CEP350: variants seen among roughly 807,000 people sequenced by gnomAD.
CEP350 encodes the protein centrosomal protein 350.
Under a neutral mutation model 331.8 loss-of-function variants are expected in CEP350, and 126 were observed. The observed-to-expected ratio is 0.38, with a 90% CI of 0.33 to 0.44. The LOEUF (loss-of-function observed/expected upper bound fraction) is 0.44, where lower values mean the gene tolerates loss of function less well. Ranked by LOEUF, CEP350 falls within the 20% of genes least tolerant of loss-of-function variation. The pLI, the probability that CEP350 is intolerant of heterozygous loss-of-function variation, is 1.00. For synonymous variants in CEP350, 1,200 were observed against 1,259.5 expected, an observed-to-expected ratio of 0.95 and a Z score of 1.00; for missense variants, 3,406 against 3,634.6, an observed-to-expected ratio of 0.94 and a Z score of 1.62.
Position 180,087,629 on chromosome 1 carries a change from G to T in CEP350, c.6337G>T (p.Glu2113Ter). 1 of 1,554,420 alleles carries T rather than the reference G, an allele frequency of 6.4e-7. No individual in the cohort carries two copies. The highest frequency in any genetic ancestry group is 1.2e-5 in the South Asian group (1 of 83,938). Residue 2113 changes from glutamate to a stop codon, truncating the protein, a stop_gained, in exon 32 of 38, where the codon GAA becomes TAA. Coordinates refer to ENST00000367607, the MANE Select transcript of CEP350 (RefSeq NM_014810.5). LOFTEE classifies it high-confidence loss of function. Reference protein sequence around the residue: ...KTEAELSQDLETSPTAKPQIK... With the variant: ...KTEAELSQDL ...TGAAGCCGAGCTTAGCCAAGATTTG[G>T]AAACATCACCAACAGCCAAGCCTCA...
chr1:180,025,568 T>C (rs1017959174), intron 14 of CEP350, among the ~76,000 whole-genome samples: 1 of 152,148 alleles, frequency 6.6e-6, no homozygotes, highest in Non-Finnish European at 1.5e-5. Flanking sequence ...GGATGGTGTC[T>C]AGCTAGGGGA....
chr1:180,075,294 T>G, intron 28 of CEP350, 73 bp downstream of exon 28: 5 of 1,415,654 alleles, frequency 3.5e-6, no homozygotes, highest in Non-Finnish European at 4.7e-6. Context: ...TCATTACTTT[T>G]AAAAATGCGA....
chr1:180,003,659 G>A (rs1654018201), intron 7 of CEP350, among the ~76,000 whole-genome samples: 2 of 152,092 alleles, frequency 1.3e-5, no homozygotes, highest in East Asian at 1.9e-4. Flanking sequence ...TTACATGAGA[G>A]CAAGATACCA....
intron 9 of CEP350, 95 bp downstream of exon 9, chr1:180,012,170 C>T: frequency 8.5e-7 from 1 of 1,170,202 alleles, no homozygotes; most frequent in Non-Finnish European, 1.2e-6. Context: ...TGTGTTAGGA[C>T]TTTGCTTTAT....
At chr1:180,102,368 T>C (rs1004644938) in intron 37 of CEP350, among the ~76,000 whole-genome samples, 1 of 152,176 alleles carries the variant, frequency 6.6e-6, no homozygotes, top group Non-Finnish European at 1.5e-5. Context: ...GCTCCTGACC[T>C]CAGGTGATCC....
At chr1:180,108,651 G>C (rs1311879814) in intron 37 of CEP350, among the ~76,000 whole-genome samples, 1 of 152,170 alleles carries the variant, frequency 6.6e-6, no homozygotes, top group South Asian at 2.1e-4. Context: ...TCTTATATTA[G>C]GCTGTTTATT....
Position 180,031,447 on chromosome 1 carries a change from T to G in CEP350, c.3678T>G (p.Thr1226=), listed in dbSNP as rs1407063670. Residue 1226 remains threonine (T), a synonymous_variant, in exon 15 of 38, where the codon ACT becomes ACG. Transcript: ENST00000367607. ...TTTCTGTTAAAGATTTTGAGCAGAC[T>G]CTTGATACAGATAGCACTTTGGAGG... is the stretch of plus-strand genomic sequence containing the variant. ...SKLSVKDFEQ[T]LDTDSTLEDL... 3.1e-6 allele frequency: 5 copies of G among 1,592,516 alleles called. No individual in the cohort carries two copies. The highest frequency in any genetic ancestry group is 4.3e-6 in the Non-Finnish European group (5 of 1,168,126).
intron 28 of CEP350, among the ~76,000 whole-genome samples, chr1:180,077,213 A>G (rs1659275614): frequency 6.6e-6 from 1 of 152,202 alleles, no homozygotes; most frequent in South Asian, 2.1e-4. Context: ...TCAATTGCAT[A>G]TCTATACATC....
intron 27 of CEP350, among the ~76,000 whole-genome samples, chr1:180,068,048 A>G (rs1042761952): frequency 6.6e-5 from 10 of 152,346 alleles, no homozygotes; most frequent in Non-Finnish European, 8.8e-5. Context: ...AGTCATTCCT[A>G]TTTTATTGTT....
chr1:180,089,986 A>G (rs1244215918), intron 32 of CEP350, among the ~76,000 whole-genome samples: 1 of 152,180 alleles, frequency 6.6e-6, no homozygotes, highest in Non-Finnish European at 1.5e-5. Flanking sequence ...TGAAGTCAAG[A>G]AAATAGAGTG....
At chr1:179,968,777 A>G in intron 1 of CEP350, 1 of 662,074 alleles carries the variant, frequency 1.5e-6, no homozygotes. Flanking sequence ...AGGAAAAGTA[A>G]TGGCATCTAC....
chr1:180,004,881 TGCTTGCTTGC>T (rs1275900542), intron 7 of CEP350, among the ~76,000 whole-genome samples: 20 of 71,078 alleles, frequency 2.8e-4, no homozygotes, highest in Non-Finnish European at 4.8e-4. Context: ...CTGGCTTGCT[TGCTTGCTTGC>T]TTGCTTGCTT....
In CEP350 at chr1:180,112,675, G is replaced by C. The variant is rs1261736277; in HGVS notation, c.*1514G>C. Reference sequence around the variant, plus strand: ...GAAGCATGATACAAGACATCTACTGGATTCATATTTACAAATATCCTGGAA... The same window carrying C: ...GAAGCATGATACAAGACATCTACTGCATTCATATTTACAAATATCCTGGAA... On this transcript the variant is annotated 3_prime_UTR_variant, in exon 38 of 38. Coordinates refer to ENST00000367607, the MANE Select transcript of CEP350 (RefSeq NM_014810.5). The C allele has an allele frequency of 6.6e-6, 1 of 152,568 alleles. No homozygotes were observed. The highest frequency in any genetic ancestry group is 1.9e-4 in the East Asian group (1 of 5,196). The allele number at this position is 152,568 out of a possible 1,614,324, so 9.5% of individuals were successfully genotyped here.
At position 180,048,633 on chromosome 1, in the gene CEP350, G is replaced by A; in HGVS notation, c.4720G>A (p.Asp1574Asn). The change falls in exon 22 of 38, where the codon GAT becomes AAT. Residue 1574 changes from aspartate to asparagine, a missense_variant. Physicochemically the swap from Asp to Asn is conservative, Grantham distance 23. This residue lies in a region of CEP350 where 1,857 missense variants were observed against 1,909.2 expected (regional missense o/e 0.97). Coordinates refer to ENST00000367607, the MANE Select transcript of CEP350 (RefSeq NM_014810.5). The part of the protein sequence containing the change: ...LNGEKIESSI[D>N]EQVQTAADDS... The stretch of plus-strand genomic sequence containing the variant: ...TGGTGAAAAGATAGAGAGTTCCATT[G>A]ATGAACAGGTTCAGACTGCTGCAGA... The A allele has an allele frequency of 6.2e-7, 1 of 1,611,252 alleles. No homozygotes were observed. Among genetic ancestry groups the A allele is most frequent in the African/African-American group, 1.3e-5 (1 of 74,984 alleles).
chr1:180,039,533 G>C (rs1047642217), intron 17 of CEP350, among the ~76,000 whole-genome samples: 4 of 152,174 alleles, frequency 2.6e-5, no homozygotes, highest in African/African-American at 9.6e-5. Flanking sequence ...TTATTAAAAA[G>C]ACTTAAATTA....
intron 25 of CEP350, among the ~76,000 whole-genome samples, chr1:180,057,390 C>T (rs571262983): frequency 2.4e-4 from 36 of 152,162 alleles, no homozygotes; most frequent in South Asian, 8.3e-4. Flanking sequence ...CGTGAGCCAC[C>T]GTGCCTGGCC....
intron 25 of CEP350, among the ~76,000 whole-genome samples, chr1:180,060,320 T>C (rs773179475): frequency 6.6e-6 from 1 of 151,958 alleles, no homozygotes; most frequent in Non-Finnish European, 1.5e-5. Context: ...CAGCATTGTT[T>C]GTACAATAGT....
At chr1:179,984,053 TTTCAAGAGCAGCATG>T (rs1385706032) in intron 1 of CEP350, among the ~76,000 whole-genome samples, 11 of 152,342 alleles carry the variant, frequency 7.2e-5, no homozygotes, top group Admixed American at 5.9e-4. Flanking sequence ...TGACATTGTA[TTTCAAGAGCAGCATG>T]TTCTTCACAT....
At chr1:180,070,733 A>G (rs976356931) in intron 27 of CEP350, among the ~76,000 whole-genome samples, 1 of 152,240 alleles carries the variant, frequency 6.6e-6, no homozygotes, top group Non-Finnish European at 1.5e-5. Context: ...ACTTAAAGTT[A>G]TCTTCATTAG....
Sources: gnomAD v4.1 joint callset for allele counts (sites outside exome capture counted in the v4.1 genomes callset) on GRCh38, gnomAD v4.1.1 for gene constraint, gnomAD v4.1.1 regional missense constraint, MANE v1.5 for transcripts, NCBI Gene and HGNC (gene_info 2026-07-23, HGNC 2026-07-21) for gene names.